DPP10: variants seen among roughly 807,000 people sequenced by gnomAD.
DPP10 encodes inactive dipeptidyl peptidase 10.
DPP10 carries 33 observed loss-of-function variants against 120.9 expected under a neutral mutation model. That is an observed-to-expected ratio of 0.27 (90% CI 0.21 to 0.37). DPP10 has a LOEUF of 0.37. Ranked by LOEUF, DPP10 falls within the 10% of genes least tolerant of loss-of-function variation. The pLI, the probability that DPP10 is intolerant of heterozygous loss-of-function variation, is 1.00. For synonymous variants in DPP10, 337 were observed against 326.1 expected (o/e 1.03, Z -0.36); for missense variants, 816 against 942.8 (o/e 0.87, Z 1.76).
At chr2:114,614,824 C>T (rs1693557907) in intron 1 of DPP10, among the ~76,000 whole-genome samples, 1 of 152,100 alleles carries the variant, frequency 6.6e-6, no homozygotes, top group Non-Finnish European at 1.5e-5. Context: ...CTATGAAATT[C>T]CTTAATGATA....
At chr2:115,818,277 T>G (rs1687468939) in intron 21 of DPP10, among the ~76,000 whole-genome samples, 1 of 152,216 alleles carries the variant, frequency 6.6e-6, no homozygotes, top group African/African-American at 2.4e-5. Flanking sequence ...ACTACGAAAC[T>G]GTGTGTTTAA....
At chr2:114,511,762 T>C (rs1684165500) in intron 1 of DPP10, among the ~76,000 whole-genome samples, 1 of 152,114 alleles carries the variant, frequency 6.6e-6, no homozygotes, top group Non-Finnish European at 1.5e-5. Flanking sequence ...TTACAATAGC[T>C]CAAACTTCTC....
rs1426621081 is a variant in DPP10 at position 114,446,248 on chromosome 2, T to C, written c.60+3410T>C. ...ATCTCTGATCTTGGTTTACTTCTTT[T>C]GCTAGTGGAATTGCAAACTTAGAAT... On this transcript the variant is annotated intron_variant, in intron 1 of 25. Transcript: ENST00000410059. 2.6e-5 allele frequency among the ~76,000 whole-genome samples: 4 copies of C among 152,234 alleles called. No homozygotes were observed. In the East Asian group the frequency reaches 7.7e-4, roughly 29 times the overall value.
At chr2:115,664,583 A>C (rs1351999623) in intron 5 of DPP10, among the ~76,000 whole-genome samples, 1 of 152,168 alleles carries the variant, frequency 6.6e-6, no homozygotes, top group Non-Finnish European at 1.5e-5. Context: ...TCAAGCAAGG[A>C]AATGCTTTTC....
In DPP10 at chr2:115,229,845, TTTTTC is replaced by T. The variant is rs988377147; in HGVS notation, c.61-79380_61-79376del. On this transcript the variant is annotated intron_variant, in intron 1 of 25. Coordinates refer to ENST00000410059, the MANE Select transcript of DPP10 (RefSeq NM_020868.6). ...AAGTCTGGTAATGTAATTTCTCCAT[TTTTTC>T]TTTTCTTTTCTTTCTTTTTTTTTTT... Among the ~76,000 whole-genome samples, 13 of 151,504 alleles carry T rather than the reference TTTTTC, an allele frequency of 8.6e-5. 1 individual carries two copies. Among genetic ancestry groups the T allele is most frequent in the South Asian group, 8.3e-4 (4 of 4,830 alleles).
chr2:115,316,409 C>G lies in DPP10; in HGVS notation c.175+7056C>G, dbSNP rs559780980. Among the ~76,000 whole-genome samples, 33 of 152,052 alleles carry G rather than the reference C, an allele frequency of 2.2e-4. No individual in the cohort carries two copies. In the South Asian group the frequency reaches 6.9e-3, roughly 32 times the overall value. On this transcript the variant is annotated intron_variant, in intron 2 of 25. Transcript: ENST00000410059. ...AAAATAAATTTCCCCTTTATTCTTT[C>G]CTATGATTTTTGTAATTAGTAAACT...
chr2:114,843,211 A>G (rs970546516), intron 1 of DPP10, among the ~76,000 whole-genome samples: 3 of 152,064 alleles, frequency 2.0e-5, no homozygotes, highest in Admixed American at 2.0e-4. Context: ...GGATGGTACT[A>G]CTTATCTGAT....
chr2:115,327,956 T>A (rs1038845409), intron 2 of DPP10, among the ~76,000 whole-genome samples: 1 of 151,998 alleles, frequency 6.6e-6, no homozygotes, highest in African/African-American at 2.4e-5. Flanking sequence ...CAAGTGAAAA[T>A]TTCAACCCAT....
At chr2:115,110,134 G>A (rs1390541096) in intron 1 of DPP10, among the ~76,000 whole-genome samples, 7 of 152,114 alleles carry the variant, frequency 4.6e-5, no homozygotes, top group African/African-American at 1.7e-4. Flanking sequence ...ATTACCTCTC[G>A]ATTTCCCACC....
At chr2:115,469,144 C>T (rs2074524898) in intron 3 of DPP10, among the ~76,000 whole-genome samples, 1 of 151,880 alleles carries the variant, frequency 6.6e-6, no homozygotes, top group Non-Finnish European at 1.5e-5. Flanking sequence ...CCAGGCTGGT[C>T]TCGAGGTTCT....
intron 1 of DPP10, among the ~76,000 whole-genome samples, chr2:114,561,737 CA>C (rs1303635668): frequency 6.6e-6 from 1 of 151,954 alleles, no homozygotes; most frequent in African/African-American, 2.4e-5. Context: ...AATGCATTTT[CA>C]GCCAAAATAT....
At chr2:115,457,799 C>G (rs1445658890) in intron 3 of DPP10, among the ~76,000 whole-genome samples, 1 of 152,058 alleles carries the variant, frequency 6.6e-6, no homozygotes, top group African/African-American at 2.4e-5. Context: ...CCCAGTAATT[C>G]CACTGTTATT....
At chr2:115,199,608 T>TA (rs1368613954) in intron 1 of DPP10, among the ~76,000 whole-genome samples, 9 of 152,154 alleles carry the variant, frequency 5.9e-5, no homozygotes, top group Non-Finnish European at 1.3e-4. Context: ...CATACCTACT[T>TA]ACCAAAAGAA....
intron 1 of DPP10, among the ~76,000 whole-genome samples, chr2:115,080,243 C>G (rs1708162359): frequency 6.6e-6 from 1 of 152,140 alleles, no homozygotes. Context: ...ATCGTGAACT[C>G]CTGACCTTAA....
chr2:114,853,278 G>C (rs1381310190), intron 1 of DPP10, among the ~76,000 whole-genome samples: 2 of 152,008 alleles, frequency 1.3e-5, no homozygotes, highest in African/African-American at 4.8e-5. Context: ...CATTCCCTGA[G>C]CTACTAATGA....
intron 1 of DPP10, among the ~76,000 whole-genome samples, chr2:114,646,486 C>A (rs771923825): frequency 1.3e-5 from 2 of 152,122 alleles, no homozygotes; most frequent in African/African-American, 2.4e-5. Flanking sequence ...CACTTTTGGT[C>A]CCACTCTCTT....
At chr2:114,542,064 T>TTTG in intron 1 of DPP10, among the ~76,000 whole-genome samples, 1 of 148,784 alleles carries the variant, frequency 6.7e-6, no homozygotes, top group Non-Finnish European at 1.5e-5. Context: ...TTTTTTTTTT[T>TTTG]TGAGATGGAG....
chr2:115,281,739 A>T (rs1260738637), intron 1 of DPP10, among the ~76,000 whole-genome samples: 2 of 152,184 alleles, frequency 1.3e-5, no homozygotes, highest in Non-Finnish European at 2.9e-5. Flanking sequence ...GAGCCATAGG[A>T]TATAAATATA....
At chr2:115,080,218 A>G (rs1425124575) in intron 1 of DPP10, among the ~76,000 whole-genome samples, 1 of 152,122 alleles carries the variant, frequency 6.6e-6, no homozygotes, top group Non-Finnish European at 1.5e-5. Flanking sequence ...GGGTTTCACT[A>G]TATTGGCCAG....
Sources: gnomAD v4.1 joint callset for allele counts (sites outside exome capture counted in the v4.1 genomes callset) on GRCh38, gnomAD v4.1.1 for gene constraint, MANE v1.5 for transcripts, NCBI Gene and HGNC (gene_info 2026-07-23, HGNC 2026-07-21) for gene names.